Variants in TNFSF12 observed in about 807,000 individuals in gnomAD.
TNFSF12 encodes TNF superfamily member 12, also known as tumor necrosis factor ligand superfamily member 12.
In TNFSF12, 16 loss-of-function variants were observed where a neutral mutation model predicts 31.2. The ratio of observed to expected loss-of-function variants is 0.51; its 90% CI spans 0.35 to 0.78. TNFSF12 has a LOEUF of 0.78. Ranked by LOEUF, TNFSF12 falls within the 30% of genes least tolerant of loss-of-function variation. The probability of loss-of-function intolerance (pLI) is 0.01; values close to 1 mark genes in which losing one functional copy is unlikely to be tolerated. For synonymous variants in TNFSF12, 150 were observed against 151.4 expected, an observed-to-expected ratio of 0.99 and a Z score of 0.07; for missense variants, 324 against 338.8, an observed-to-expected ratio of 0.96 and a Z score of 0.34.
At chr17:7,552,684 C>G (rs1040286398) in intron 5 of TNFSF12, among the ~76,000 whole-genome samples, 3 of 151,858 alleles carry the variant, frequency 2.0e-5, no homozygotes, top group Admixed American at 6.6e-5. Context: ...AAAGAAGGGC[C>G]CCACGAATGA....
Position 7,554,739 on chromosome 17 carries a change from C to T in TNFSF12, c.374-2039C>T, listed in dbSNP as rs570404465. Among the ~76,000 whole-genome samples the T allele has an allele frequency of 1.4e-3, 203 of 148,356 alleles. 2 individuals are homozygous for T. The highest frequency in any genetic ancestry group is 4.7e-3 in the African/African-American group (192 of 40,500). On this transcript the variant is annotated intron_variant, in intron 5 of 6. Coordinates refer to ENST00000293825, the MANE Select transcript of TNFSF12 (RefSeq NM_003809.3). ...AAGTGATTCTCCTGCCTCAGTCTCC[C>T]GAGTAGCTGGGACTACAGGCGCCTG...
intron 5 of TNFSF12, chr17:7,553,630 G>A (rs1461207888): frequency 1.1e-5 from 14 of 1,303,946 alleles, no homozygotes; most frequent in African/African-American, 1.5e-5. Context: ...ATACTAAGTG[G>A]TGGAGCCAAG....
rs948909537 is a variant in TNFSF12, at chr17:7,549,861, A to G, written c.208-259A>G. On this transcript the variant is annotated intron_variant, in intron 2 of 6. Transcript: ENST00000293825. This position sits in a 1 kb window ranked among gnomAD's most constrained non-coding sequence, Gnocchi z 4.1. ...GTGACTGGGTGCGGGCATGTGTGCA[A>G]TGTGCCAATTGAATGCAGGGTCTGC... 2.8e-5 allele frequency: 17 copies of G among 614,834 alleles called. No homozygotes were observed. Among genetic ancestry groups the G allele is most frequent in the African/African-American group, 2.2e-4 (12 of 54,090 alleles). The allele number at this position is 614,834 out of a possible 1,614,324, so 38.1% of individuals were successfully genotyped here.
rs1567721053 is a variant in TNFSF12 at position 7,553,023 on chromosome 17, C to CTTTCT, written c.373+2048_373+2049insCTTTT. 8.3e-4 allele frequency among the ~76,000 whole-genome samples: 55 copies of CTTTCT among 66,100 alleles called. 2 individuals carry two copies. The highest frequency in any genetic ancestry group is 1.6e-3 in the East Asian group (4 of 2,510). 43.4% of individuals were successfully genotyped at this position (66,100 alleles called of 152,430 possible). A position where few individuals can be genotyped will look rare whatever the true frequency, so the allele number is the denominator to read the frequency against. On this transcript the variant is annotated intron_variant, in intron 5 of 6. Transcript: ENST00000293825. ...ATAAGGAACTGGAGGCAGGGACAAC[C>CTTTCT]TTTTTTTTTTTTTTTTTTTTTTTTT... is the stretch of plus-strand genomic sequence containing the variant.
Position 7,549,719 on chromosome 17 carries a change from T to G in TNFSF12, c.207+198T>G. 1 of 892,904 alleles carries G rather than the reference T, an allele frequency of 1.1e-6. No homozygotes were observed. The highest frequency in any genetic ancestry group is 1.6e-6 in the Non-Finnish European group (1 of 615,032). The allele number at this position is 892,904 out of a possible 1,614,324, so 55.3% of individuals were successfully genotyped here. The stretch of plus-strand genomic sequence containing the variant: ...TCTGTGTGAGGGGTTTGTGCTGGGG[T>G]TGTGCCACCTGAGTCTGAGGTGTTT... On this transcript the variant is annotated intron_variant, in intron 2 of 6. Coordinates refer to ENST00000293825, the MANE Select transcript of TNFSF12 (RefSeq NM_003809.3). This position sits in a 1 kb window ranked among gnomAD's most constrained non-coding sequence, Gnocchi z 4.1.
At chr17:7,551,004 A>G in intron 5 of TNFSF12, 26 bp downstream of exon 5, 1 of 1,613,074 alleles carries the variant, frequency 6.2e-7, no homozygotes. Flanking sequence ...CCGACACAGC[A>G]CTGGCCTCCT....
chr17:7,555,982 GT>G lies in TNFSF12; in HGVS notation c.374-781del, dbSNP rs1167470187. Among the ~76,000 whole-genome samples, 33 of 117,764 alleles carry G rather than the reference GT, an allele frequency of 2.8e-4. 1 individual carries two copies. Among genetic ancestry groups the G allele is most frequent in the Admixed American group, 2.3e-3 (23 of 9,932 alleles). 77.3% of individuals were successfully genotyped at this position (117,764 alleles called of 152,430 possible). ...AAAATGCCCAGTGAGCGTTTTTTTT[GT>G]TTTTTTTTTTTTTTGGAGACAGAGT... On this transcript the variant is annotated intron_variant, in intron 5 of 6. Transcript: ENST00000293825.
chr17:7,552,598 G>A (rs1022782253), intron 5 of TNFSF12, among the ~76,000 whole-genome samples: 3 of 152,050 alleles, frequency 2.0e-5, no homozygotes, highest in African/African-American at 4.8e-5. Flanking sequence ...CAAAGTGCTG[G>A]GATTACAGGT....
intron 5 of TNFSF12, among the ~76,000 whole-genome samples, chr17:7,555,928 C>CAGG (rs1270205875): frequency 1.4e-5 from 2 of 145,484 alleles, no homozygotes; most frequent in Non-Finnish European, 3.0e-5. Context: ...CTGCAGAGCA[C>CAGG]AGGTTGTGGG....
chr17:7,556,999 T>TGG, intron 6 of TNFSF12, 97 bp downstream of exon 6: 1 of 1,242,152 alleles, frequency 8.1e-7, no homozygotes, highest in East Asian at 2.7e-5. Flanking sequence ...GAGGGTGAGT[T>TGG]GGGGTTTGGG....
At position 7,550,333 on chromosome 17, in the gene TNFSF12, C is replaced by T. The variant is rs1015681292; in HGVS notation, c.283+138C>T. ...GCCAAGACTCAAACCTAGGGATTCTCGCCCTCCTCTGAAGCTCCTTCTGTC... is the reference window on the plus strand; with the variant it reads ...GCCAAGACTCAAACCTAGGGATTCTTGCCCTCCTCTGAAGCTCCTTCTGTC... On this transcript the variant is annotated intron_variant, in intron 3 of 6. Coordinates refer to ENST00000293825, the MANE Select transcript of TNFSF12 (RefSeq NM_003809.3). The surrounding 1 kb of genome is among the most constrained non-coding windows in gnomAD (Gnocchi z 4.4). 45 of 1,329,314 alleles carry T rather than the reference C, an allele frequency of 3.4e-5. No homozygotes were observed. The highest frequency in any genetic ancestry group is 6.2e-5 in the Admixed American group (3 of 48,586). 82.3% of individuals were successfully genotyped at this position (1,329,314 alleles called of 1,614,324 possible).
intron 5 of TNFSF12, among the ~76,000 whole-genome samples, chr17:7,555,111 C>T (rs1185784061): frequency 6.6e-6 from 1 of 151,316 alleles, no homozygotes; most frequent in African/African-American, 2.4e-5. Context: ...TGTGCCACTG[C>T]ACTCCAGCCT....
rs1597829811 is a variant in TNFSF12 at position 7,557,481 on chromosome 17, T to C, written c.*131T>C. ...CCTGCCCCTCCCTCTAGAGGCTGCC[T>C]GGGCCTGTTCACGTGTTTTCCATCC... On this transcript the variant is annotated 3_prime_UTR_variant, in exon 7 of 7. Transcript: ENST00000293825. The surrounding 1 kb of genome is among the most constrained non-coding windows in gnomAD (Gnocchi z 5.2). 7.8e-7 allele frequency: 1 copy of C among 1,282,506 alleles called. No homozygotes were observed. 79.4% of individuals were successfully genotyped at this position (1,282,506 alleles called of 1,614,324 possible). A position where few individuals can be genotyped will look rare whatever the true frequency, so the allele number is the denominator to read the frequency against.
chr17:7,551,036 C>A (rs1490675423), intron 5 of TNFSF12, 58 bp downstream of exon 5: 1 of 1,610,492 alleles, frequency 6.2e-7, no homozygotes, highest in Admixed American at 1.7e-5. Flanking sequence ...CCTTGAAAAC[C>A]TTTGACCTCC....
Position 7,551,279 on chromosome 17 carries a change from G to A in TNFSF12, c.373+301G>A, listed in dbSNP as rs77255978. On this transcript the variant is annotated intron_variant, in intron 5 of 6. Transcript: ENST00000293825. ...TCTCCTCCATATTCCACGTTCTGATGATCTTTTTCTCTAAATGCTGCTAGT... is the reference window on the plus strand; with the variant it reads ...TCTCCTCCATATTCCACGTTCTGATAATCTTTTTCTCTAAATGCTGCTAGT... 2.6e-4 allele frequency among the ~76,000 whole-genome samples: 40 copies of A among 152,024 alleles called. 2 individuals carry two copies. The East Asian group carries it at 7.7e-3, about 29-fold the overall frequency.
At chr17:7,553,845 G>C (rs867647853) in intron 5 of TNFSF12, 6 of 1,106,256 alleles carry the variant, frequency 5.4e-6, no homozygotes, top group Middle Eastern at 4.3e-4. Context: ...TAGATTTGCT[G>C]GGGGGAGATG....
Position 7,557,022 on chromosome 17 carries a change from C to T in TNFSF12, c.499-77C>T. The T allele has an allele frequency of 6.5e-7, 1 of 1,543,512 alleles. No homozygotes were observed. Among genetic ancestry groups the T allele is most frequent in the South Asian group, 1.2e-5 (1 of 80,218 alleles). ...GTTGGGGTTTGGGTGGGATGGGATGCCTGCGTCGCTGAGGAAATTGGAAAT... is the reference window on the plus strand; with the variant it reads ...GTTGGGGTTTGGGTGGGATGGGATGTCTGCGTCGCTGAGGAAATTGGAAAT... On this transcript the variant is annotated intron_variant, in intron 6 of 6. Coordinates refer to ENST00000293825, the MANE Select transcript of TNFSF12 (RefSeq NM_003809.3). The surrounding 1 kb of genome is among the most constrained non-coding windows in gnomAD (Gnocchi z 5.2).
Position 7,550,085 on chromosome 17 carries a change from G to C in TNFSF12, c.208-35G>C, listed in dbSNP as rs775804428. Reference sequence around the variant, plus strand: ...CGTATGTCTCACTTTATATCTCTGGGAGTCTGTGGTTGAACCCTGCCCTAA... The same window carrying C: ...CGTATGTCTCACTTTATATCTCTGGCAGTCTGTGGTTGAACCCTGCCCTAA... On this transcript the variant is annotated intron_variant, in intron 2 of 6. Transcript: ENST00000293825. This position sits in a 1 kb window ranked among gnomAD's most constrained non-coding sequence, Gnocchi z 4.4. 7 of 1,613,988 alleles carry C rather than the reference G, an allele frequency of 4.3e-6. No homozygotes were observed. Among genetic ancestry groups the C allele is most frequent in the Non-Finnish European group, 4.2e-6 (5 of 1,179,962 alleles).
Position 7,553,023 on chromosome 17 carries a change from C to CTTTCTTTT in TNFSF12, c.373+2048_373+2049insCTTTTTTT, listed in dbSNP as rs1567721053. Among the ~76,000 whole-genome samples the CTTTCTTTT allele has an allele frequency of 8.0e-4, 53 of 66,098 alleles. 5 individuals are homozygous for CTTTCTTTT. The highest frequency in any genetic ancestry group is 0.021 in the Middle Eastern group (2 of 94). The allele number at this position is 66,098 out of a possible 152,430, so 43.4% of individuals were successfully genotyped here. On this transcript the variant is annotated intron_variant, in intron 5 of 6. Coordinates refer to ENST00000293825, the MANE Select transcript of TNFSF12 (RefSeq NM_003809.3). ...ATAAGGAACTGGAGGCAGGGACAAC[C>CTTTCTTTT]TTTTTTTTTTTTTTTTTTTTTTTTT...
Sources: gnomAD v4.1 joint callset for allele counts (sites outside exome capture counted in the v4.1 genomes callset) on GRCh38, gnomAD v4.1.1 for gene constraint, Gnocchi (gnomAD v3.1) non-coding constraint, MANE v1.5 for transcripts, NCBI Gene and HGNC (gene_info 2026-07-23, HGNC 2026-07-21) for gene names.